Variants in SPATA17 observed in about 807,000 individuals in gnomAD.
SPATA17 encodes spermatogenesis-associated protein 17.
In SPATA17, 53 loss-of-function variants were observed where a neutral mutation model predicts 62.2. That is an observed-to-expected ratio of 0.85 (90% CI 0.68 to 1.07). The LOEUF (loss-of-function observed/expected upper bound fraction) is 1.07. Among genes scored for constraint, SPATA17 ranks in the 50% least tolerant of loss-of-function variants. SPATA17 has a pLI of 0.00. For synonymous variants in SPATA17, 146 were observed against 146.8 expected, an observed-to-expected ratio of 0.99 and a Z score of 0.04; for missense variants, 466 against 425.5, an observed-to-expected ratio of 1.10 and a Z score of -0.84.
intron 5 of SPATA17, 110 bp downstream of exon 5, chr1:217,683,471 C>A: frequency 1.4e-6 from 1 of 720,854 alleles, no homozygotes; most frequent in Non-Finnish European, 2.4e-6. Context: ...TGGAGTCTTG[C>A]TCTGTTGCCC....
At chr1:217,774,685 C>A (rs993615938) in intron 7 of SPATA17, 148 bp downstream of exon 7, 3 of 660,806 alleles carry the variant, frequency 4.5e-6, no homozygotes, top group Non-Finnish European at 7.6e-6. Context: ...AATCAGCTGT[C>A]GCTAGAACTC....
chr1:217,671,911 G>A (rs2102898627), intron 4 of SPATA17, among the ~76,000 whole-genome samples: 1 of 152,314 alleles, frequency 6.6e-6, no homozygotes, highest in East Asian at 1.9e-4. Context: ...CTTGGTAGTA[G>A]ACTATGTGCT....
intron 2 of SPATA17, among the ~76,000 whole-genome samples, chr1:217,650,281 G>T (rs564152898): frequency 6.6e-6 from 1 of 152,122 alleles, no homozygotes; most frequent in African/African-American, 2.4e-5. Flanking sequence ...TAAGGAACAT[G>T]GTGGCAAATA....
chr1:217,763,475 T>G lies in SPATA17; in HGVS notation c.520-10859T>G, dbSNP rs1673220962. 2.0e-5 allele frequency among the ~76,000 whole-genome samples: 3 copies of G among 152,162 alleles called. No individual in the cohort carries two copies. In the South Asian group the frequency reaches 6.2e-4, roughly 32 times the overall value. On this transcript the variant is annotated intron_variant, in intron 6 of 10. Coordinates refer to ENST00000366933, the MANE Select transcript of SPATA17 (RefSeq NM_138796.4). ...TTGAAGAAATGGAAAAAAATGTGGC[T>G]GCTGTGTAGTGAGGGATGAGAGTGG... is the stretch of plus-strand genomic sequence containing the variant.
At chr1:217,819,200 C>T (rs1273273889) in intron 9 of SPATA17, among the ~76,000 whole-genome samples, 1 of 151,046 alleles carries the variant, frequency 6.6e-6, no homozygotes, top group Non-Finnish European at 1.5e-5. Flanking sequence ...CTCACAGTGA[C>T]TTTTTAATGA....
chr1:217,784,437 A>G (rs551004607), intron 8 of SPATA17, among the ~76,000 whole-genome samples: 2 of 152,258 alleles, frequency 1.3e-5, no homozygotes, highest in African/African-American at 4.8e-5. Context: ...ATCATTATGA[A>G]AATTGCAGTG....
chr1:217,842,420 A>C (rs944454495), intron 9 of SPATA17, among the ~76,000 whole-genome samples: 1 of 151,894 alleles, frequency 6.6e-6, no homozygotes, highest in African/African-American at 2.4e-5. Context: ...CTCACTAGTG[A>C]GCCTATTGAG....
chr1:217,721,873 T>G (rs527873076), intron 5 of SPATA17, among the ~76,000 whole-genome samples: 1 of 152,338 alleles, frequency 6.6e-6, no homozygotes, highest in South Asian at 2.1e-4. Context: ...CACACCCATC[T>G]TTGGCATTCC....
intron 3 of SPATA17, among the ~76,000 whole-genome samples, chr1:217,654,838 G>A (rs184194617): frequency 5.1e-4 from 77 of 150,336 alleles, no homozygotes; most frequent in Non-Finnish European, 2.1e-4. Flanking sequence ...TCAGCCTCCC[G>A]AGTAGCTGGG....
At chr1:217,704,312 G>A (rs991798693) in intron 5 of SPATA17, among the ~76,000 whole-genome samples, 5 of 135,416 alleles carry the variant, frequency 3.7e-5, no homozygotes, top group East Asian at 2.3e-4. Context: ...CTGCAGTGGC[G>A]CAATCTCGGC....
At chr1:217,650,286 C>A (rs1210853219) in intron 2 of SPATA17, among the ~76,000 whole-genome samples, 3 of 152,038 alleles carry the variant, frequency 2.0e-5, no homozygotes, top group African/African-American at 7.2e-5. Flanking sequence ...AACATGGTGG[C>A]AAATAGAGTA....
At chr1:217,649,734 T>C (rs967863650) in intron 2 of SPATA17, among the ~76,000 whole-genome samples, 2 of 51,468 alleles carry the variant, frequency 3.9e-5, no homozygotes, top group African/African-American at 1.1e-4. Context: ...TCTTTCTCAC[T>C]TTTTTTTTTT....
At chr1:217,863,996 G>A (rs901383033) in intron 10 of SPATA17, among the ~76,000 whole-genome samples, 1 of 152,156 alleles carries the variant, frequency 6.6e-6, no homozygotes, top group African/African-American at 2.4e-5. Flanking sequence ...TCTCCCCACT[G>A]AGTGCTTCAA....
chr1:217,862,994 C>A, intron 10 of SPATA17, 138 bp downstream of exon 10: 1 of 472,448 alleles, frequency 2.1e-6, no homozygotes, highest in Non-Finnish European at 3.6e-6. Flanking sequence ...CCATAAATTT[C>A]CTTCATTGTA....
chr1:217,656,816 A>G lies in SPATA17; in HGVS notation c.240+5638A>G, dbSNP rs144606844. Among the ~76,000 whole-genome samples the G allele has an allele frequency of 1.1e-3, 171 of 152,308 alleles. 1 individual carries two copies. Among genetic ancestry groups the G allele is most frequent in the African/African-American group, 3.6e-3 (151 of 41,556 alleles). On this transcript the variant is annotated intron_variant, in intron 3 of 10. Coordinates refer to ENST00000366933, the MANE Select transcript of SPATA17 (RefSeq NM_138796.4). The stretch of plus-strand genomic sequence containing the variant: ...CACTATTTTATAGATGAAGATTCTG[A>G]TGCTTAGCTTACTTCCTCAAGGACA...
In SPATA17 at chr1:217,703,174, C is replaced by CTTTTTTTTTTTTTTTTT. The variant is rs1203063860; in HGVS notation, c.395+19827_395+19828insTTTTTTTTTTTTTTTTT. On this transcript the variant is annotated intron_variant, in intron 5 of 10. Transcript: ENST00000366933. ...ACAGGCGTGAGCCATTGCGCTCGGC[C>CTTTTTTTTTTTTTTTTT]TTTTTTTTTTTTTTGAAATGGAGTC... 1.2e-3 allele frequency among the ~76,000 whole-genome samples: 123 copies of CTTTTTTTTTTTTTTTTT among 105,484 alleles called. 8 individuals carry two copies. The highest frequency in any genetic ancestry group is 3.4e-3 in the African/African-American group (86 of 25,654). 69.2% of individuals were successfully genotyped at this position (105,484 alleles called of 152,430 possible). A position where few individuals can be genotyped will look rare whatever the true frequency, so the allele number is the denominator to read the frequency against.
intron 3 of SPATA17, among the ~76,000 whole-genome samples, chr1:217,656,749 C>T (rs2102887906): frequency 6.6e-6 from 1 of 152,230 alleles, no homozygotes; most frequent in East Asian, 1.9e-4. Context: ...TTCATGTGTG[C>T]ACCAACTATG....
chr1:217,762,894 C>T (rs963082044), intron 6 of SPATA17, among the ~76,000 whole-genome samples: 5 of 152,098 alleles, frequency 3.3e-5, no homozygotes, highest in Non-Finnish European at 7.4e-5. Flanking sequence ...ATTACTTGAA[C>T]CCAGGAGGCA....
chr1:217,798,042 T>C (rs984350901), intron 8 of SPATA17, among the ~76,000 whole-genome samples: 1 of 152,196 alleles, frequency 6.6e-6, no homozygotes, highest in African/African-American at 2.4e-5. Context: ...CTAACATCTT[T>C]ATTAATGAAG....
Sources: allele counts gnomAD v4.1 joint callset (sites outside exome capture counted in the v4.1 genomes callset), GRCh38; gene constraint gnomAD v4.1.1; transcripts MANE v1.5; gene names NCBI Gene and HGNC (gene_info 2026-07-23, HGNC 2026-07-21).